CUBN: variants seen among roughly 807,000 people sequenced by gnomAD.
CUBN encodes the protein cubilin, also known as 460 kDa receptor.
In CUBN, 282 loss-of-function variants were observed where a neutral mutation model predicts 405.3. The observed-to-expected ratio is 0.70, with a 90% CI of 0.63 to 0.77. The LOEUF (loss-of-function observed/expected upper bound fraction) is 0.77. CUBN is among the 30% of genes least tolerant of loss of function. The pLI, the probability that CUBN is intolerant of heterozygous loss-of-function variation, is 0.00. For synonymous variants in CUBN, 1,684 were observed against 1,617.0 expected (o/e 1.04, Z -0.99); for missense variants, 4,514 against 4,475.2 (o/e 1.01, Z -0.25).
At chr10:17,095,477 T>C (rs1363948032) in intron 14 of CUBN, among the ~76,000 whole-genome samples, 1 of 151,916 alleles carries the variant, frequency 6.6e-6, no homozygotes, top group Non-Finnish European at 1.5e-5. Flanking sequence ...AGAAAACATA[T>C]AAATGGTCAA....
chr10:16,890,176 T>G (rs1384013153), intron 55 of CUBN, among the ~76,000 whole-genome samples, 195 bp downstream of exon 55: 6 of 152,114 alleles, frequency 3.9e-5, no homozygotes, highest in Non-Finnish European at 5.9e-5. Flanking sequence ...CCCTCATGGC[T>G]TTTATATCAC....
intron 27 of CUBN, among the ~76,000 whole-genome samples, chr10:17,026,403 C>T (rs369616648): frequency 1.8e-4 from 27 of 152,182 alleles, no homozygotes; most frequent in African/African-American, 6.3e-4. Context: ...GAAGCCGAAG[C>T]GGGTGATCAC....
rs752752630 is a variant in CUBN, at chr10:16,933,222, G to A, written c.5989C>T (p.Pro1997Ser). 1 of 1,613,912 alleles carries A rather than the reference G, an allele frequency of 6.2e-7. No homozygotes were observed. The highest frequency in any genetic ancestry group is 8.5e-7 in the Non-Finnish European group (1 of 1,179,994). Residue 1997 changes from proline to serine, a missense_variant, in exon 40 of 67, where the codon CCT becomes TCT. Pro to Ser is a moderately conservative substitution (Grantham distance 74). Transcript: ENST00000377833. ...APVFLFSPGW[P>S]DSYSNRVDCT... ...TCCACTCTATTACTGTAACTGTCAG[G>A]CCAGCCCGGGGAGAAGAGAAACACG...
chr10:17,079,890 T>C (rs1262066567), intron 17 of CUBN, among the ~76,000 whole-genome samples: 2 of 152,098 alleles, frequency 1.3e-5, no homozygotes, highest in East Asian at 3.9e-4. Flanking sequence ...TTTGCATTCA[T>C]CTAAAGACAT....
At position 17,059,169 on chromosome 10, in the gene CUBN, G is replaced by A. The variant is rs142297111; in HGVS notation, c.3139+6339C>T. On this transcript the variant is annotated intron_variant, in intron 22 of 66. Coordinates refer to ENST00000377833, the MANE Select transcript of CUBN (RefSeq NM_001081.4). Reference sequence around the variant, plus strand: ...GAAAAAACATACAAATGCCTTCTGTGGACCATTACAAAAATCACAAAACTA... The same window carrying A: ...GAAAAAACATACAAATGCCTTCTGTAGACCATTACAAAAATCACAAAACTA... 4.6e-3 allele frequency among the ~76,000 whole-genome samples: 705 copies of A among 151,822 alleles called. 8 individuals are homozygous for A. The highest frequency in any genetic ancestry group is 0.016 in the African/African-American group (666 of 41,416).
intron 22 of CUBN, among the ~76,000 whole-genome samples, chr10:17,065,297 A>G (rs570081899): frequency 2.0e-5 from 3 of 152,180 alleles, no homozygotes; most frequent in Non-Finnish European, 4.4e-5. Context: ...CAGTACAATT[A>G]CCAACATTAG....
chr10:16,985,206 T>C (rs12260088), intron 29 of CUBN, among the ~76,000 whole-genome samples: 3,782 of 152,248 alleles, frequency 0.025, 153 homozygotes, highest in African/African-American at 0.087. Context: ...CCTGTACCCA[T>C]ATAAACCTCC....
At chr10:16,928,532 C>CATTT in intron 40 of CUBN, among the ~76,000 whole-genome samples, 1 of 107,092 alleles carries the variant, frequency 9.3e-6, no homozygotes, top group African/African-American at 3.6e-5. Flanking sequence ...CCACCCCCCC[C>CATTT]TTTTTTTTTT....
intron 1 of CUBN, 71 bp downstream of exon 1, chr10:17,129,573 C>G: frequency 6.2e-7 from 1 of 1,600,960 alleles, no homozygotes; most frequent in South Asian, 1.1e-5. Flanking sequence ...CTTTGTTTAT[C>G]TGGCTATTTG....
In CUBN at chr10:17,037,550, C is replaced by T. The variant is rs558137457; in HGVS notation, c.4017+3483G>A. On this transcript the variant is annotated intron_variant, in intron 27 of 66. Transcript: ENST00000377833. ...CCAGAAATATATGAACTGGATAATACGGTTCCAACCTACTTGGGCCTAGCC... is the reference window on the plus strand; with the variant it reads ...CCAGAAATATATGAACTGGATAATATGGTTCCAACCTACTTGGGCCTAGCC... 7.9e-5 allele frequency among the ~76,000 whole-genome samples: 12 copies of T among 152,284 alleles called. No individual in the cohort carries two copies. The South Asian group carries it at 2.1e-3, about 26-fold the overall frequency.
At chr10:16,851,478 A>G in intron 59 of CUBN, 35 bp from the exon 60 acceptor site, 1 of 1,574,842 alleles carries the variant, frequency 6.3e-7, no homozygotes, top group Non-Finnish European at 8.7e-7. Context: ...ATGCAGACCA[A>G]ACAGAACCGA....
chr10:16,841,194 A>T (rs2131320998), intron 60 of CUBN, 147 bp from the exon 61 acceptor site: 1 of 687,990 alleles, frequency 1.5e-6, no homozygotes. Flanking sequence ...GAACAGAATT[A>T]TAATTGGATT....
At position 16,843,750 on chromosome 10, in the gene CUBN, A is replaced by G. The variant is rs115014134; in HGVS notation, c.9664-2703T>C. On this transcript the variant is annotated intron_variant, in intron 60 of 66. Transcript: ENST00000377833. ...AGCCCTTTCCAGATCTTCAAGACAT[A>G]AGACCCCTTCATGAACAAAGGAGAG... 9.0e-3 allele frequency among the ~76,000 whole-genome samples: 1,365 copies of G among 152,344 alleles called. 17 individuals carry two copies. The highest frequency in any genetic ancestry group is 0.031 in the African/African-American group (1,281 of 41,570).
chr10:16,941,684 A>C (rs1173977144), intron 36 of CUBN, among the ~76,000 whole-genome samples: 2 of 151,938 alleles, frequency 1.3e-5, no homozygotes, highest in Non-Finnish European at 2.9e-5. Context: ...TCTCTACAAA[A>C]AATAAAATGT....
intron 31 of CUBN, among the ~76,000 whole-genome samples, chr10:16,959,299 C>A (rs886725829): frequency 6.6e-6 from 1 of 152,134 alleles, no homozygotes; most frequent in Non-Finnish European, 1.5e-5. Flanking sequence ...AATATAAATT[C>A]TTTCATTTGA....
intron 46 of CUBN, among the ~76,000 whole-genome samples, chr10:16,915,389 A>T (rs1418088915): frequency 1.3e-5 from 2 of 152,216 alleles, no homozygotes; most frequent in Non-Finnish European, 2.9e-5. Flanking sequence ...TAGGGGAAGG[A>T]TATCTCAGCA....
chr10:17,040,383 A>G (rs1834991791), intron 27 of CUBN, among the ~76,000 whole-genome samples: 1 of 152,200 alleles, frequency 6.6e-6, no homozygotes, highest in Admixed American at 6.5e-5. Context: ...ATGCCAAAAT[A>G]ACCTCCCAAT....
chr10:16,868,439 G>A (rs1446740549), intron 59 of CUBN, among the ~76,000 whole-genome samples: 2 of 152,150 alleles, frequency 1.3e-5, no homozygotes, highest in South Asian at 4.1e-4. Context: ...AAACTGCCTG[G>A]ATTTTTCTGA....
At chr10:17,059,378 C>T (rs1312284022) in intron 22 of CUBN, among the ~76,000 whole-genome samples, 3 of 152,100 alleles carry the variant, frequency 2.0e-5, no homozygotes, top group African/African-American at 7.2e-5. Context: ...ATAAGCTGAT[C>T]CTCTGGAGAG....
Sources: gnomAD v4.1 joint callset for allele counts (sites outside exome capture counted in the v4.1 genomes callset) on GRCh38, gnomAD v4.1.1 for gene constraint, MANE v1.5 for transcripts, NCBI Gene and HGNC (gene_info 2026-07-23, HGNC 2026-07-21) for gene names.